Variants in PTPRK observed in about 807,000 individuals in gnomAD.
PTPRK encodes receptor-type tyrosine-protein phosphatase kappa.
Under a neutral mutation model 178.0 loss-of-function variants are expected in PTPRK, and 75 were observed. The observed-to-expected ratio is 0.42, with a 90% CI of 0.35 to 0.51. PTPRK has a LOEUF of 0.51. Ranked by LOEUF, PTPRK falls within the 20% of genes least tolerant of loss-of-function variation. PTPRK has a pLI of 0.02. For missense variants in PTPRK, 1,441 were observed against 1,797.8 expected (o/e 0.80, Z 3.59); for synonymous variants, 637 against 620.6 (o/e 1.03, Z -0.39).
chr6:128,266,745 A>G (rs1420927080), intron 3 of PTPRK, among the ~76,000 whole-genome samples: 1 of 152,088 alleles, frequency 6.6e-6, no homozygotes, highest in Admixed American at 6.6e-5. Context: ...TCAGAAATAA[A>G]ACAAACTTGT....
Position 127,970,156 on chromosome 6 carries a change from A to T in PTPRK, c.*71T>A. The stretch of plus-strand genomic sequence containing the variant: ...TAAAATCTTTCTGCACAAGTGTAAC[A>T]GGTACAACAGCTGCTGGCTCAATAG... On this transcript the variant is annotated 3_prime_UTR_variant, in exon 30 of 30. Coordinates refer to ENST00000368226, the MANE Select transcript of PTPRK (RefSeq NM_002844.4). 8.0e-7 allele frequency: 1 copy of T among 1,251,512 alleles called. No homozygotes were observed. Among genetic ancestry groups the T allele is most frequent in the Non-Finnish European group, 1.1e-6 (1 of 873,526 alleles). 77.5% of individuals were successfully genotyped at this position (1,251,512 alleles called of 1,614,324 possible).
intron 22 of PTPRK, among the ~76,000 whole-genome samples, chr6:127,985,204 A>C (rs912187206): frequency 4.6e-5 from 7 of 152,128 alleles, no homozygotes; most frequent in Admixed American, 3.3e-4. Flanking sequence ...GTTTTTTGGC[A>C]TATATTTGCT....
At chr6:128,431,969 AAAGG>A (rs142002214) in intron 1 of PTPRK, among the ~76,000 whole-genome samples, 5,203 of 152,072 alleles carry the variant, frequency 0.034, 122 homozygotes, top group Middle Eastern at 0.061. Flanking sequence ...CCCAATGCAA[AAAGG>A]AAGGAAGGAA....
chr6:128,087,626 A>G (rs936081143), intron 8 of PTPRK, among the ~76,000 whole-genome samples: 1 of 152,054 alleles, frequency 6.6e-6, no homozygotes, highest in Non-Finnish European at 1.5e-5. Context: ...GGTGTTGTTT[A>G]AATGTTGTTG....
chr6:128,100,070 G>T (rs1788534733), intron 7 of PTPRK, among the ~76,000 whole-genome samples: 1 of 151,868 alleles, frequency 6.6e-6, no homozygotes, highest in African/African-American at 2.4e-5. Context: ...ACATGAATCA[G>T]CATGTCAACA....
At chr6:127,982,615 C>T (rs1775484491) in intron 24 of PTPRK, among the ~76,000 whole-genome samples, 1 of 152,098 alleles carries the variant, frequency 6.6e-6, no homozygotes, top group Non-Finnish European at 1.5e-5. Context: ...TTGCTCTTCC[C>T]TAAGTCTGAA....
intron 1 of PTPRK, among the ~76,000 whole-genome samples, chr6:128,504,747 C>T (rs1585002570): frequency 6.6e-6 from 1 of 152,134 alleles, no homozygotes; most frequent in Non-Finnish European, 1.5e-5. Context: ...GATTGAAAGC[C>T]AGAGCCTGAA....
intron 3 of PTPRK, among the ~76,000 whole-genome samples, chr6:128,306,918 T>C (rs530838549): frequency 6.6e-6 from 1 of 152,144 alleles, no homozygotes; most frequent in Admixed American, 6.6e-5. Flanking sequence ...CTTGAAACAT[T>C]TCGGAGGTCT....
intron 2 of PTPRK, among the ~76,000 whole-genome samples, chr6:128,377,784 G>GA (rs372505286): frequency 2.0e-3 from 298 of 146,284 alleles, no homozygotes; most frequent in Non-Finnish European, 3.0e-3. Context: ...AAAATAAATG[G>GA]AAAAAAAAAA....
rs575655028 is a variant in PTPRK, at chr6:128,408,186, G to A, written c.101-10498C>T. Among the ~76,000 whole-genome samples, 7 of 152,208 alleles carry A rather than the reference G, an allele frequency of 4.6e-5. No individual in the cohort carries two copies. The South Asian group carries it at 1.2e-3, about 27-fold the overall frequency. On this transcript the variant is annotated intron_variant, in intron 1 of 29. Transcript: ENST00000368226. The stretch of plus-strand genomic sequence containing the variant: ...ACGGATCACCTGAGGTCAGGAGTTC[G>A]AGACCAGCCTGGCCAACATGGTGAA...
At chr6:128,426,639 T>G (rs573655059) in intron 1 of PTPRK, among the ~76,000 whole-genome samples, 1 of 152,332 alleles carries the variant, frequency 6.6e-6, no homozygotes, top group South Asian at 2.1e-4. Flanking sequence ...ATGTAACATT[T>G]TCAAAGAAAA....
intron 2 of PTPRK, among the ~76,000 whole-genome samples, chr6:128,396,342 T>C (rs1405777896): frequency 6.7e-6 from 1 of 148,466 alleles, no homozygotes; most frequent in Non-Finnish European, 1.5e-5. Flanking sequence ...TGATAATATA[T>C]TATATATACA....
At chr6:128,175,414 C>T (rs1007061337) in intron 7 of PTPRK, among the ~76,000 whole-genome samples, 2 of 151,724 alleles carry the variant, frequency 1.3e-5, no homozygotes, top group African/African-American at 2.4e-5. Flanking sequence ...ATCTTCACCG[C>T]GGCTTTTACA....
At position 127,969,429 on chromosome 6, in the gene PTPRK, T is replaced by C. The variant is rs1056020729; in HGVS notation, c.*798A>G. ...CACAAGAGAATCACTATAAAGAACATTGCTTCCTGGTTTATGAATAAAAAG... is the reference window on the plus strand; with the variant it reads ...CACAAGAGAATCACTATAAAGAACACTGCTTCCTGGTTTATGAATAAAAAG... On this transcript the variant is annotated 3_prime_UTR_variant, in exon 30 of 30. Coordinates refer to ENST00000368226, the MANE Select transcript of PTPRK (RefSeq NM_002844.4). 1 of 152,158 alleles carries C rather than the reference T, an allele frequency of 6.6e-6. No individual in the cohort carries two copies. The highest frequency in any genetic ancestry group is 1.5e-5 in the Non-Finnish European group (1 of 68,022). The allele number at this position is 152,158 out of a possible 1,614,324, so 9.4% of individuals were successfully genotyped here.
At position 128,221,329 on chromosome 6, in the gene PTPRK, C is replaced by T. The variant is rs150570330; in HGVS notation, c.694-2233G>A. ...CACGAGGTCAGGAGATCAAGACCAT[C>T]CTGGCTAACATGGTGAAACCCCGTC... On this transcript the variant is annotated intron_variant, in intron 5 of 29. Transcript: ENST00000368226. 5.3e-3 allele frequency among the ~76,000 whole-genome samples: 794 copies of T among 150,882 alleles called. 2 individuals carry two copies. Among genetic ancestry groups the T allele is most frequent in the African/African-American group, 0.018 (756 of 41,150 alleles).
At chr6:128,097,870 A>C (rs951664489) in intron 7 of PTPRK, among the ~76,000 whole-genome samples, 12 of 152,172 alleles carry the variant, frequency 7.9e-5, no homozygotes, top group African/African-American at 2.7e-4. Flanking sequence ...TCATAGACAC[A>C]AAAAGGTAGA....
rs1446722264 is a variant in PTPRK, at chr6:128,017,816, A to ATATATG, written c.2195-8549_2195-8548insCATATA. ...AATATATATGTGTATATATATATAT[A>ATATATG]TATATATATATATATATTTGGCAGA... On this transcript the variant is annotated intron_variant, in intron 13 of 29. Coordinates refer to ENST00000368226, the MANE Select transcript of PTPRK (RefSeq NM_002844.4). Among the ~76,000 whole-genome samples the ATATATG allele has an allele frequency of 3.6e-5, 5 of 138,122 alleles. No individual in the cohort carries two copies. The Admixed American group carries it at 3.7e-4, about 10-fold the overall frequency. 90.6% of individuals were successfully genotyped at this position (138,122 alleles called of 152,430 possible).
chr6:128,502,687 A>AAACTTACAGCTAAATAAATTATATT (rs1369693501), intron 1 of PTPRK, among the ~76,000 whole-genome samples: 1 of 152,228 alleles, frequency 6.6e-6, no homozygotes, highest in African/African-American at 2.4e-5. Flanking sequence ...TAAATTATAT[A>AAACTTACAGCTAAATAAATTATATT]AACTTACAGC....
intron 1 of PTPRK, among the ~76,000 whole-genome samples, chr6:128,505,967 G>C (rs1856273518): frequency 1.3e-5 from 2 of 152,150 alleles, no homozygotes; most frequent in Admixed American, 1.3e-4. Flanking sequence ...TCATTGTTTT[G>C]TGAACTAAGG....
Sources: allele counts gnomAD v4.1 joint callset (sites outside exome capture counted in the v4.1 genomes callset), GRCh38; gene constraint gnomAD v4.1.1; transcripts MANE v1.5; gene names NCBI Gene and HGNC (gene_info 2026-07-23, HGNC 2026-07-21).